ZMIZ2: variants seen among roughly 807,000 people sequenced by gnomAD.
ZMIZ2 encodes the protein zinc finger MIZ-type containing 2, also known as zinc finger MIZ domain-containing protein 2.
ZMIZ2 carries 26 observed loss-of-function variants against 93.9 expected under a neutral mutation model. The observed-to-expected ratio is 0.28, with a 90% CI of 0.20 to 0.38. The LOEUF (loss-of-function observed/expected upper bound fraction) is 0.38, where lower values mean the gene tolerates loss of function less well. Among genes scored for constraint, ZMIZ2 ranks in the 10% least tolerant of loss-of-function variants. The pLI, the probability that ZMIZ2 is intolerant of heterozygous loss-of-function variation, is 1.00. For missense variants in ZMIZ2, 1,023 were observed against 1,235.0 expected (o/e 0.83, Z 2.57); for synonymous variants, 485 against 516.4 (o/e 0.94, Z 0.82).
Position 44,769,092 on chromosome 7 carries a change from G to C in ZMIZ2, c.*1469G>C, listed in dbSNP as rs1414699581. On this transcript the variant is annotated 3_prime_UTR_variant, in exon 19 of 19. Coordinates refer to ENST00000309315, the MANE Select transcript of ZMIZ2 (RefSeq NM_031449.4). Reference sequence around the variant, plus strand: ...TCTTGTCCCTGGGAGGCCTCTGCTTGTCACTTCCCAGAGATTGCAGAGGTG... The same window carrying C: ...TCTTGTCCCTGGGAGGCCTCTGCTTCTCACTTCCCAGAGATTGCAGAGGTG... 6.5e-6 allele frequency: 1 copy of C among 152,728 alleles called. No homozygotes were observed. Among genetic ancestry groups the C allele is most frequent in the Non-Finnish European group, 1.5e-5 (1 of 68,118 alleles). 9.5% of individuals were successfully genotyped at this position (152,728 alleles called of 1,614,324 possible).
Position 44,765,085 on chromosome 7 carries a change from C to G in ZMIZ2, c.1997+76C>G, listed in dbSNP as rs1791568112. ...CCCCAGGACATGTCGGGGGATGTCCCTTGCCAAGTGCAGCCTTCCAGCCTT... is the reference window on the plus strand; with the variant it reads ...CCCCAGGACATGTCGGGGGATGTCCGTTGCCAAGTGCAGCCTTCCAGCCTT... On this transcript the variant is annotated intron_variant, in intron 15 of 18. Transcript: ENST00000309315. The surrounding 1 kb of genome is among the most constrained non-coding windows in gnomAD (Gnocchi z 4.1). The G allele has an allele frequency of 6.3e-7, 1 of 1,576,710 alleles. No individual in the cohort carries two copies. Among genetic ancestry groups the G allele is most frequent in the Non-Finnish European group, 8.7e-7 (1 of 1,148,876 alleles).
chr7:44,763,711 G>T lies in ZMIZ2; in HGVS notation c.1860+298G>T. 2.6e-6 allele frequency: 1 copy of T among 380,772 alleles called. No individual in the cohort carries two copies. The highest frequency in any genetic ancestry group is 4.8e-6 in the Non-Finnish European group (1 of 208,904). 23.6% of individuals were successfully genotyped at this position (380,772 alleles called of 1,614,324 possible). On this transcript the variant is annotated intron_variant, in intron 13 of 18. Transcript: ENST00000309315. The surrounding 1 kb of genome is among the most constrained non-coding windows in gnomAD (Gnocchi z 5.6). ...CAGTCTTCCTGCCCTACCCCCAAGGGTGACCATCGTTAGCATCTGTCTTTG... is the reference window on the plus strand; with the variant it reads ...CAGTCTTCCTGCCCTACCCCCAAGGTTGACCATCGTTAGCATCTGTCTTTG...
chr7:44,763,108 C>T lies in ZMIZ2; in HGVS notation c.1702+122C>T, dbSNP rs895829165. On this transcript the variant is annotated intron_variant, in intron 12 of 18. Transcript: ENST00000309315. This position sits in a 1 kb window ranked among gnomAD's most constrained non-coding sequence, Gnocchi z 5.6. ...CCAGGCCTTCTCCTTGGACAGGTGG[C>T]TCTGCAGTAGGGGCAGTGGTTAGTT... The T allele has an allele frequency of 9.8e-6, 14 of 1,432,858 alleles. No homozygotes were observed. In the African/African-American group the frequency reaches 1.8e-4, roughly 19 times the overall value. 88.8% of individuals were successfully genotyped at this position (1,432,858 alleles called of 1,614,324 possible).
chr7:44,761,877 T>C lies in ZMIZ2; in HGVS notation c.1568T>C (p.Ile523Thr), dbSNP rs1411860153. The C allele has an allele frequency of 1.9e-6, 3 of 1,613,428 alleles. No homozygotes were observed. The highest frequency in any genetic ancestry group is 2.5e-6 in the Non-Finnish European group (3 of 1,179,914). ...KHVCQPGRNT[I>T]QITVTACCCS... ...GTGTGCCAGCCAGGCCGCAACACCA[T>C]CCAGATCACCGTCACCGCCTGCTGC... The change falls in exon 11 of 19, where the codon ATC (isoleucine) becomes ACC (threonine). Residue 523 changes from isoleucine (I) to threonine (T), a missense_variant. By Grantham distance (89) the Ile-to-Thr change is moderately conservative. Around this residue, in one of 3 missense-constraint regions of ZMIZ2, gnomAD observed 656 missense variants for 777.1 expected, o/e 0.84. Coordinates refer to ENST00000309315, the MANE Select transcript of ZMIZ2 (RefSeq NM_031449.4). This position sits in a 1 kb window ranked among gnomAD's most constrained non-coding sequence, Gnocchi z 5.8.
rs1583656818 is a variant in ZMIZ2 at position 44,765,282 on chromosome 7, G to T, written c.1998-53G>T. 1.3e-6 allele frequency: 2 copies of T among 1,599,242 alleles called. No homozygotes were observed. On this transcript the variant is annotated intron_variant, in intron 15 of 18. Transcript: ENST00000309315. The surrounding 1 kb of genome is among the most constrained non-coding windows in gnomAD (Gnocchi z 4.1). ...CCCAGGGCTGGGAGGGGCAGTGGGT[G>T]CCGGGCCAGCAGCAGGCCAGGAGGT...
Position 44,760,188 on chromosome 7 carries a change from A to T in ZMIZ2, c.1031A>T (p.Asn344Ile), listed in dbSNP as rs200058478. The T allele has an allele frequency of 1.2e-6, 2 of 1,613,688 alleles. No homozygotes were observed. Among genetic ancestry groups the T allele is most frequent in the Admixed American group, 3.3e-5 (2 of 59,964 alleles). The change falls in exon 8 of 19, where the codon AAC becomes ATC. Residue 344 changes from asparagine to isoleucine, a missense_variant. Coordinates refer to ENST00000309315, the MANE Select transcript of ZMIZ2 (RefSeq NM_031449.4). ...TTCAACGGGCAGGGCGCCAGCTTCA[A>T]CGGGGGCAGCGTCAGCTACAGCCAA... Reference protein sequence around the residue: ...EQFNGQGASFNGGSVSYSQPG... With the variant: ...EQFNGQGASFIGGSVSYSQPG...
At chr7:44,758,238 G>A in intron 6 of ZMIZ2, 130 bp downstream of exon 6, 2 of 1,221,392 alleles carry the variant, frequency 1.6e-6, no homozygotes, top group Admixed American at 3.2e-5. Flanking sequence ...CCTGCACTTT[G>A]GGAAACCAAG....
intron 3 of ZMIZ2, 56 bp from the exon 4 acceptor site, chr7:44,756,891 C>A: frequency 1.2e-6 from 2 of 1,602,734 alleles, no homozygotes; most frequent in South Asian, 1.1e-5. Context: ...TTTGGAGCTG[C>A]TGCATGAAGC....
In ZMIZ2 at chr7:44,753,901, T is replaced by C. The variant is rs117462527; in HGVS notation, c.-62-2287T>C. ...GTTGTTTTGATGCCCAGTTGCTCCA[T>C]TGTCCCAGCACCATTGGTTGGAAAG... On this transcript the variant is annotated intron_variant, in intron 1 of 18. Transcript: ENST00000309315. 3.5e-3 allele frequency among the ~76,000 whole-genome samples: 533 copies of C among 152,360 alleles called. 28 individuals carry two copies. The East Asian group carries it at 0.09, about 26-fold the overall frequency.
chr7:44,754,915 G>A (rs148856316), intron 1 of ZMIZ2, among the ~76,000 whole-genome samples: 1 of 152,200 alleles, frequency 6.6e-6, no homozygotes, highest in African/African-American at 2.4e-5. Context: ...GACATGTCAG[G>A]TGGTCCTGGG....
chr7:44,765,899 C>G lies in ZMIZ2; in HGVS notation c.2243-265C>G, dbSNP rs1791662497. On this transcript the variant is annotated intron_variant, in intron 16 of 18. Transcript: ENST00000309315. The surrounding 1 kb of genome is among the most constrained non-coding windows in gnomAD (Gnocchi z 4.1). ...TCTGGGGCCCCCCTCTGGGACCCAC[C>G]TCACACGCGTGGTGCGTTTGTTTGT... The G allele has an allele frequency of 7.2e-7, 1 of 1,393,472 alleles. No individual in the cohort carries two copies. The highest frequency in any genetic ancestry group is 2.6e-5 in the East Asian group (1 of 37,988). The allele number at this position is 1,393,472 out of a possible 1,614,324, so 86.3% of individuals were successfully genotyped here.
In ZMIZ2 at chr7:44,757,486, T is replaced by C; in HGVS notation, c.477T>C (p.Thr159=). Residue 159 remains threonine (T), a synonymous_variant, in exon 5 of 19, where the codon ACT becomes ACC. Coordinates refer to ENST00000309315, the MANE Select transcript of ZMIZ2 (RefSeq NM_031449.4). ...CAGCTGTGGCTGCTGCGGCAGCCAC[T>C]GCCACCGCCACAGCCACAGCCACCG... ...AAAAVAAAAA[T]ATATATATVA... 1.9e-6 allele frequency: 3 copies of C among 1,601,210 alleles called. No individual in the cohort carries two copies. The highest frequency in any genetic ancestry group is 2.6e-6 in the Non-Finnish European group (3 of 1,175,206).
In ZMIZ2 at chr7:44,762,924, G is replaced by A. The variant is rs774370950; in HGVS notation, c.1640G>A (p.Arg547His). ...VLQLVHRPSV[R>H]SVLQGLLKKR... ...CAGCTAGTGCACCGCCCATCCGTCC[G>A]CTCGGTGCTGCAGGGCCTCCTCAAA... The change falls in exon 12 of 19, where the codon CGC becomes CAC. Residue 547 changes from arginine (R) to histidine (H), a missense_variant. By Grantham distance (29) the Arg-to-His change is conservative. Around this residue, in one of 3 missense-constraint regions of ZMIZ2, gnomAD observed 656 missense variants for 777.1 expected, o/e 0.84. Transcript: ENST00000309315. 14 of 1,612,874 alleles carry A rather than the reference G, an allele frequency of 8.7e-6. No homozygotes were observed. Among genetic ancestry groups the A allele is most frequent in the East Asian group, 2.2e-5 (1 of 44,852 alleles).
At chr7:44,751,208 T>C (rs55812947) in intron 1 of ZMIZ2, 13,413 of 152,436 alleles carry the variant, frequency 0.088, 781 homozygotes, top group Admixed American at 0.14. Flanking sequence ...CCTCCCCTCC[T>C]TGTACCTGCC....
At chr7:44,755,099 T>C (rs1470887397) in intron 1 of ZMIZ2, among the ~76,000 whole-genome samples, 2 of 152,130 alleles carry the variant, frequency 1.3e-5, no homozygotes, top group Non-Finnish European at 2.9e-5. Flanking sequence ...ATTTACTAAA[T>C]GGGGAGAGCA....
Position 44,760,649 on chromosome 7 carries a change from G to GA in ZMIZ2, c.1240+58dup, listed in dbSNP as rs942594593. Reference sequence around the variant, plus strand: ...TGACAAGGCCAGGGTGGGCATGGGGGAATCACAGGACTCCAGAGAGTCCTG... The same window carrying GA: ...TGACAAGGCCAGGGTGGGCATGGGGGAAATCACAGGACTCCAGAGAGTCCTG... On this transcript the variant is annotated intron_variant, in intron 9 of 18. Transcript: ENST00000309315. 1.9e-6 allele frequency: 3 copies of GA among 1,599,322 alleles called. No individual in the cohort carries two copies. In the African/African-American group the frequency reaches 4.0e-5, roughly 21 times the overall value.
At position 44,767,892 on chromosome 7, in the gene ZMIZ2, C is replaced by T. The variant is rs1380068056; in HGVS notation, c.*269C>T. On this transcript the variant is annotated 3_prime_UTR_variant, in exon 19 of 19. Coordinates refer to ENST00000309315, the MANE Select transcript of ZMIZ2 (RefSeq NM_031449.4). ...CGGTTTTTGCTGAGGTGCCCCTGCCCAGCCCTGTCCAGCCTTGTCCACACA... is the reference window on the plus strand; with the variant it reads ...CGGTTTTTGCTGAGGTGCCCCTGCCTAGCCCTGTCCAGCCTTGTCCACACA... The T allele has an allele frequency of 1.5e-5, 8 of 523,390 alleles. No homozygotes were observed. The highest frequency in any genetic ancestry group is 2.4e-5 in the Non-Finnish European group (7 of 288,942). The allele number at this position is 523,390 out of a possible 1,614,324, so 32.4% of individuals were successfully genotyped here. A position where few individuals can be genotyped will look rare whatever the true frequency, so the allele number is the denominator to read the frequency against.
rs1366543571 is a variant in ZMIZ2 at position 44,759,319 on chromosome 7, T to C, written c.852T>C (p.Tyr284=). The C allele has an allele frequency of 2.5e-6, 4 of 1,592,178 alleles. No individual in the cohort carries two copies. The highest frequency in any genetic ancestry group is 2.6e-6 in the Non-Finnish European group (3 of 1,170,072). The change falls in exon 7 of 19, where the codon TAT becomes TAC. Residue 284 remains tyrosine (Y), a synonymous_variant. Transcript: ENST00000309315. ...PGQQYLQGGQ[Y]APSTAQFAPS... is the part of the protein sequence containing the mutation. Reference sequence around the variant, plus strand: ...AGCAGTATCTGCAAGGAGGCCAGTATGCACCCAGCACCGCCCAGTTTGCGC... The same window carrying C: ...AGCAGTATCTGCAAGGAGGCCAGTACGCACCCAGCACCGCCCAGTTTGCGC...
intron 1 of ZMIZ2, among the ~76,000 whole-genome samples, chr7:44,751,628 G>T (rs1450595612): frequency 6.6e-6 from 1 of 152,262 alleles, no homozygotes; most frequent in African/African-American, 2.4e-5. Context: ...CAGAAGGCTG[G>T]TGGTAGCAGT....
Sources: gnomAD v4.1 joint callset for allele counts (sites outside exome capture counted in the v4.1 genomes callset) on GRCh38, gnomAD v4.1.1 for gene constraint, gnomAD v4.1.1 regional missense constraint, Gnocchi (gnomAD v3.1) non-coding constraint, MANE v1.5 for transcripts, NCBI Gene and HGNC (gene_info 2026-07-23, HGNC 2026-07-21) for gene names.